The following ERI1 variants were observed in gnomAD, a reference collection of about 807,000 sequenced individuals.
The protein encoded by ERI1 is 3'-5' exoribonuclease 1.
Under a neutral mutation model 39.7 loss-of-function variants are expected in ERI1, and 39 were observed. That is an observed-to-expected ratio of 0.98 (90% CI 0.76 to 1.28). ERI1 has a LOEUF of 1.28. Among genes scored for constraint, ERI1 ranks in the 50% most tolerant of loss-of-function variants. The probability of loss-of-function intolerance (pLI) is 0.00; values close to 1 mark genes in which losing one functional copy is unlikely to be tolerated. For missense variants in ERI1, 581 were observed against 416.9 expected, an observed-to-expected ratio of 1.39 and a Z score of -3.43; for synonymous variants, 204 against 149.6, an observed-to-expected ratio of 1.36 and a Z score of -2.65.
chr8:9,089,482 A>T (rs983227231), intron 3 of ERI1, among the ~76,000 whole-genome samples: 3 of 152,188 alleles, frequency 2.0e-5, no homozygotes, highest in African/African-American at 7.2e-5. Context: ...TTTGCAAAGT[A>T]TGTTCCATAG....
At chr8:9,089,205 G>A (rs940141017) in intron 3 of ERI1, among the ~76,000 whole-genome samples, 1 of 152,150 alleles carries the variant, frequency 6.6e-6, no homozygotes, top group African/African-American at 2.4e-5. Flanking sequence ...AAAACATATA[G>A]GCCAAAGGGA....
chr8:9,017,505 A>G (rs1420806350), intron 4 of ERI1, among the ~76,000 whole-genome samples: 2 of 152,168 alleles, frequency 1.3e-5, no homozygotes, highest in African/African-American at 2.4e-5. Flanking sequence ...ATGTCTGTGC[A>G]GTGGTCACAG....
intron 3 of ERI1, among the ~76,000 whole-genome samples, chr8:9,049,372 CATTAATGCAAAAAA>C (rs1408036915): frequency 2.7e-5 from 2 of 74,692 alleles, no homozygotes; most frequent in East Asian, 7.9e-4. Flanking sequence ...AAAAGAGCAA[CATTAATGCAAAAAA>C]ATTAATGGTG....
At chr8:9,045,624 C>T (rs11784393) in intron 3 of ERI1, among the ~76,000 whole-genome samples, 62,318 of 151,656 alleles carry the variant, frequency 0.41, 15,034 homozygotes, top group East Asian at 0.69. Flanking sequence ...TAGCAAGACC[C>T]CTATTTGTAT....
chr8:9,016,689 G>T (rs1013961924), intron 4 of ERI1, among the ~76,000 whole-genome samples: 31 of 152,148 alleles, frequency 2.0e-4, no homozygotes, highest in African/African-American at 6.5e-4. Flanking sequence ...GGAGATGTTT[G>T]ATTTATTTAT....
At chr8:9,082,883 A>G (rs11995840) in intron 3 of ERI1, among the ~76,000 whole-genome samples, 14,812 of 152,182 alleles carry the variant, frequency 0.097, 2,283 homozygotes, top group African/African-American at 0.33. Flanking sequence ...CATTGGAGAA[A>G]AGTGGGGATG....
At chr8:9,009,023 G>C (rs1285017928) in intron 2 of ERI1, 1 of 456,200 alleles carries the variant, frequency 2.2e-6, no homozygotes, top group Admixed American at 2.3e-5. Flanking sequence ...GATTCTTTCT[G>C]TTATGAAGGT....
At chr8:9,082,498 T>A (rs1799400930) in intron 3 of ERI1, among the ~76,000 whole-genome samples, 1 of 152,186 alleles carries the variant, frequency 6.6e-6, no homozygotes, top group African/African-American at 2.4e-5. Flanking sequence ...TGGCATGAAA[T>A]CATTCTTCCT....
At chr8:9,054,853 A>AG (rs994984504) in intron 3 of ERI1, among the ~76,000 whole-genome samples, 2 of 152,358 alleles carry the variant, frequency 1.3e-5, no homozygotes, top group African/African-American at 4.8e-5. Context: ...GGTTGAACCC[A>AG]GGGTGTCAAG....
At chr8:9,006,835 A>C (rs1181305777) in intron 1 of ERI1, among the ~76,000 whole-genome samples, 1 of 152,120 alleles carries the variant, frequency 6.6e-6, no homozygotes, top group African/African-American at 2.4e-5. Flanking sequence ...ATTTCCAGTA[A>C]ATGTGTGTTG....
At chr8:9,043,489 T>C (rs142938668) in intron 3 of ERI1, among the ~76,000 whole-genome samples, 19 of 152,360 alleles carry the variant, frequency 1.2e-4, no homozygotes, top group African/African-American at 4.6e-4. Context: ...CAGGAACATC[T>C]CTTATGGAAG....
At chr8:9,042,453 C>G (rs988112607) in intron 3 of ERI1, among the ~76,000 whole-genome samples, 3 of 152,172 alleles carry the variant, frequency 2.0e-5, no homozygotes, top group Admixed American at 6.5e-5. Flanking sequence ...CTGCTACGCC[C>G]TCTCCCGCCT....
At chr8:9,086,507 G>A (rs376532858) in intron 3 of ERI1, among the ~76,000 whole-genome samples, 2 of 152,172 alleles carry the variant, frequency 1.3e-5, no homozygotes, top group Admixed American at 6.5e-5. Context: ...CTGAGATCAC[G>A]CCACGTCACT....
At chr8:9,026,763 G>GTAAA (rs1281689925) in intron 6 of ERI1, among the ~76,000 whole-genome samples, 2 of 151,980 alleles carry the variant, frequency 1.3e-5, no homozygotes, top group Non-Finnish European at 2.9e-5. Context: ...GTGGTGTAAT[G>GTAAA]TAAATGTTGA....
Position 9,084,589 on chromosome 8 carries a change from T to C in ERI1, n.300-31759T>C, listed in dbSNP as rs118005334. On this transcript the variant is annotated intron_variant and non_coding_transcript_variant, in intron 3 of 3. Coordinates refer to the ERI1 transcript ENST00000518663. ...GACCTTCTTGCTGCAAGATTTTGAC[T>C]AGGACTCGGGCTTGGAGGAAGCGGG... Among the ~76,000 whole-genome samples the C allele has an allele frequency of 4.7e-4, 71 of 152,276 alleles. 1 individual carries two copies. In the East Asian group the frequency reaches 0.012, roughly 25 times the overall value.
intron 3 of ERI1, among the ~76,000 whole-genome samples, chr8:9,013,578 T>G (rs1358810605): frequency 6.6e-6 from 1 of 152,092 alleles, no homozygotes; most frequent in Non-Finnish European, 1.5e-5. Flanking sequence ...GATGATCTTA[T>G]CTAGTTCCAT....
intron 5 of ERI1, among the ~76,000 whole-genome samples, chr8:9,020,066 A>C (rs2117247300): frequency 6.6e-6 from 1 of 152,324 alleles, no homozygotes; most frequent in Admixed American, 6.5e-5. Flanking sequence ...GCTTAGCATA[A>C]TACTCAGCAA....
At chr8:9,020,288 C>T (rs1179946742) in intron 5 of ERI1, 62 bp from the exon 6 acceptor site, 2 of 785,406 alleles carry the variant, frequency 2.5e-6, no homozygotes, top group Admixed American at 3.0e-5. Flanking sequence ...ATTTAAAATA[C>T]TCATTTGTAA....
chr8:9,008,234 C>T lies in ERI1; in HGVS notation c.287+86C>T. Reference sequence around the variant, plus strand: ...AAAACATTGAAATATTAAAAATCATCTGTAATCCTACCGTAATGACATGAT... The same window carrying T: ...AAAACATTGAAATATTAAAAATCATTTGTAATCCTACCGTAATGACATGAT... On this transcript the variant is annotated intron_variant, in intron 2 of 6. Transcript: ENST00000250263. 2.6e-6 allele frequency: 3 copies of T among 1,157,682 alleles called. No individual in the cohort carries two copies. In the South Asian group the frequency reaches 5.4e-5, roughly 21 times the overall value. The allele number at this position is 1,157,682 out of a possible 1,614,324, so 71.7% of individuals were successfully genotyped here. A position where few individuals can be genotyped will look rare whatever the true frequency, so the allele number is the denominator to read the frequency against.
Sources: allele counts gnomAD v4.1 joint callset (sites outside exome capture counted in the v4.1 genomes callset), GRCh38; gene constraint gnomAD v4.1.1; transcripts MANE v1.5; gene names NCBI Gene and HGNC (gene_info 2026-07-23, HGNC 2026-07-21).